TNRC18: variants seen among roughly 807,000 people sequenced by gnomAD.
TNRC18 encodes trinucleotide repeat-containing gene 18 protein.
A neutral mutation model predicts 226.7 loss-of-function variants in TNRC18; 69 were observed. The observed-to-expected ratio is 0.30, with a 90% CI of 0.25 to 0.37. TNRC18 has a LOEUF of 0.37. TNRC18 is among the 10% of genes least tolerant of loss of function. The pLI, the probability that TNRC18 is intolerant of heterozygous loss-of-function variation, is 1.00. For synonymous variants in TNRC18, 2,449 were observed against 1,927.6 expected (o/e 1.27, Z -7.09); for missense variants, 4,754 against 4,256.6 (o/e 1.12, Z -3.25).
chr7:5,383,750 T>C (rs1295639580), intron 5 of TNRC18, among the ~76,000 whole-genome samples: 1 of 151,996 alleles, frequency 6.6e-6, no homozygotes, highest in African/African-American at 2.4e-5. Flanking sequence ...TGACCACTTC[T>C]TATGGGATTT....
chr7:5,327,858 C>G (rs1194149146), intron 19 of TNRC18, among the ~76,000 whole-genome samples: 1 of 152,186 alleles, frequency 6.6e-6, no homozygotes, highest in African/African-American at 2.4e-5. Context: ...CCATCACCAC[C>G]CAAACCACCA....
At chr7:5,336,822 G>A (rs1255718588) in intron 18 of TNRC18, among the ~76,000 whole-genome samples, 3 of 152,204 alleles carry the variant, frequency 2.0e-5, no homozygotes, top group Middle Eastern at 3.2e-3. Context: ...AGAGCTGAAT[G>A]GATATGATTA....
chr7:5,412,623 C>T (rs1781919184), intron 2 of TNRC18, among the ~76,000 whole-genome samples: 1 of 151,934 alleles, frequency 6.6e-6, no homozygotes, highest in Non-Finnish European at 1.5e-5. Context: ...AAAAACAAAC[C>T]TCACAACCAC....
chr7:5,349,554 G>A (rs1260724682), intron 17 of TNRC18, among the ~76,000 whole-genome samples: 1 of 152,236 alleles, frequency 6.6e-6, no homozygotes, highest in African/African-American at 2.4e-5. Context: ...CGAACCCCGA[G>A]GAGGGAGGTG....
At chr7:5,420,723 G>C (rs549657899) in intron 2 of TNRC18, 1 of 563,656 alleles carries the variant, frequency 1.8e-6, no homozygotes, top group African/African-American at 1.9e-5. Flanking sequence ...GGGCCGGTTT[G>C]TTCTTTTCTC....
chr7:5,322,888 T>G (rs774101796), intron 21 of TNRC18, among the ~76,000 whole-genome samples: 1 of 152,212 alleles, frequency 6.6e-6, no homozygotes, highest in South Asian at 2.1e-4. Flanking sequence ...CACCCTGACG[T>G]TGGGCTTGGC....
At position 5,335,319 on chromosome 7, in the gene TNRC18, A is replaced by T. The variant is rs1442515667; in HGVS notation, c.5720-2270T>A. Among the ~76,000 whole-genome samples the T allele has an allele frequency of 4.8e-3, 697 of 145,538 alleles. 13 individuals carry two copies. The highest frequency in any genetic ancestry group is 0.017 in the African/African-American group (659 of 39,392). On this transcript the variant is annotated intron_variant, in intron 18 of 29. Coordinates refer to ENST00000430969, the MANE Select transcript of TNRC18 (RefSeq NM_001080495.3). ...TCTGTCTCAAAAAAAAAAAAAAAAA[A>T]AAAAATTTGGCCAGGCACAGTGGCT...
chr7:5,352,267 C>T (rs140161366), intron 16 of TNRC18, among the ~76,000 whole-genome samples, 173 bp from the exon 17 acceptor site: 2 of 152,354 alleles, frequency 1.3e-5, no homozygotes, highest in African/African-American at 4.8e-5. Context: ...GCTCCCCTCC[C>T]AGTCCAGGCT....
Position 5,314,997 on chromosome 7 carries a change from G to C in TNRC18, c.7014C>G (p.Ala2338=). 1 of 1,606,794 alleles carries C rather than the reference G, an allele frequency of 6.2e-7. No individual in the cohort carries two copies. Among genetic ancestry groups the C allele is most frequent in the Middle Eastern group, 1.9e-4 (1 of 5,370 alleles). ...AGGCCAACCTACCACCCTTGGCCTT[G>C]GCGCTGGGTTTCCGCCCACGCCCAC... The part of the protein sequence containing the change: ...KARGRGRKPS[A]KAKGDRAATL... Residue 2338 remains alanine (A), a synonymous_variant, in exon 26 of 30, where the codon GCC becomes GCG. Coordinates refer to ENST00000430969, the MANE Select transcript of TNRC18 (RefSeq NM_001080495.3).
intron 15 of TNRC18, among the ~76,000 whole-genome samples, chr7:5,358,843 C>G (rs1158678541): frequency 6.6e-6 from 1 of 152,100 alleles, no homozygotes; most frequent in Non-Finnish European, 1.5e-5. Flanking sequence ...AAAACTACCC[C>G]TTTGCACTGG....
intron 21 of TNRC18, among the ~76,000 whole-genome samples, chr7:5,322,606 T>C (rs1363745370): frequency 2.6e-5 from 4 of 152,210 alleles, no homozygotes; most frequent in Non-Finnish European, 5.9e-5. Context: ...TCTGAGACTT[T>C]CCATCCACTT....
intron 21 of TNRC18, among the ~76,000 whole-genome samples, chr7:5,322,358 G>T (rs1052046993): frequency 3.9e-5 from 6 of 152,056 alleles, no homozygotes; most frequent in Non-Finnish European, 8.8e-5. Context: ...CAGTGCAGTG[G>T]CAAGATCATA....
rs370369006 is a variant in TNRC18 at position 5,394,449 on chromosome 7, C to A, written c.334G>T (p.Ala112Ser). 1 of 1,546,694 alleles carries A rather than the reference C, an allele frequency of 6.5e-7. No individual in the cohort carries two copies. Among genetic ancestry groups the A allele is most frequent in the Non-Finnish European group, 8.7e-7 (1 of 1,146,776 alleles). Residue 112 changes from alanine to serine, a missense_variant, in exon 3 of 30, where the codon GCC becomes TCC. Physicochemically the swap from Ala to Ser is moderately conservative, Grantham distance 99. Transcript: ENST00000430969. The surrounding 1 kb of genome is among the most constrained non-coding windows in gnomAD (Gnocchi z 4.5). ...CCGGCATGTTCCTTACCTTCATGGG[C>A]GTGGGCGGCCCACAGCTGCACCATG... ...LPMVQLWAAH[A>S]HEGFSHLPSG... is the part of the protein sequence containing the mutation.
intron 26 of TNRC18, 48 bp downstream of exon 26, chr7:5,314,936 C>T (rs767553736): frequency 2.3e-5 from 35 of 1,549,960 alleles, no homozygotes; most frequent in South Asian, 3.6e-5. Context: ...TTTGGATGCA[C>T]GAAGGAGATC....
chr7:5,378,035 C>T lies in TNRC18; in HGVS notation c.2153-11G>A. 2 of 1,603,652 alleles carry T rather than the reference C, an allele frequency of 1.2e-6. No homozygotes were observed. Among genetic ancestry groups the T allele is most frequent in the Non-Finnish European group, 1.7e-6 (2 of 1,176,704 alleles). ...CTGCTCGGCCGTGCCCTGCAGGGGG[C>T]CAGGTGGAAGTGAGCCCCCAGCCAG... On this transcript the variant is annotated splice_polypyrimidine_tract_variant and intron_variant, in intron 5 of 29. Coordinates refer to ENST00000430969, the MANE Select transcript of TNRC18 (RefSeq NM_001080495.3).
intron 5 of TNRC18, among the ~76,000 whole-genome samples, chr7:5,381,585 A>G (rs893053612): frequency 2.0e-5 from 3 of 152,142 alleles, no homozygotes; most frequent in Admixed American, 1.3e-4. Context: ...TGACTGCACC[A>G]CTGAACTCCA....
At chr7:5,343,491 C>T (rs913391989) in intron 18 of TNRC18, among the ~76,000 whole-genome samples, 11 of 152,176 alleles carry the variant, frequency 7.2e-5, no homozygotes, top group South Asian at 4.1e-4. Context: ...GGCGCATTCT[C>T]GGCTCACTGC....
At position 5,421,100 on chromosome 7, in the gene TNRC18, G is replaced by A. The variant is rs1483545056; in HGVS notation, c.147C>T (p.Pro49=). ...PASGLPGPLP[P]GKYMAGLNLH... ...GATTCAGGCCGGCCATGTACTTCCC[G>A]GGCGGCAGCGGGCCGGGCAAGCCCG... Residue 49 remains proline (P), a synonymous_variant, in exon 2 of 30, where the codon CCC becomes CCT. Coordinates refer to ENST00000430969, the MANE Select transcript of TNRC18 (RefSeq NM_001080495.3). The A allele has an allele frequency of 1.4e-6, 2 of 1,475,686 alleles. No homozygotes were observed. The highest frequency in any genetic ancestry group is 5.1e-5 in the East Asian group (2 of 39,400). 91.4% of individuals were successfully genotyped at this position (1,475,686 alleles called of 1,614,324 possible).
intron 5 of TNRC18, among the ~76,000 whole-genome samples, chr7:5,386,736 C>G (rs1052465825): frequency 1.2e-4 from 18 of 152,130 alleles, no homozygotes; most frequent in African/African-American, 3.6e-4. Context: ...GGTAACAGAG[C>G]AAGACTCTAT....
Sources: gnomAD v4.1 joint callset for allele counts (sites outside exome capture counted in the v4.1 genomes callset) on GRCh38, gnomAD v4.1.1 for gene constraint, Gnocchi (gnomAD v3.1) non-coding constraint, MANE v1.5 for transcripts, NCBI Gene and HGNC (gene_info 2026-07-23, HGNC 2026-07-21) for gene names.